Variants in SLC2A9 observed in about 807,000 individuals in gnomAD.
SLC2A9 encodes solute carrier family 2 member 9.
SLC2A9 carries 39 observed loss-of-function variants against 50.6 expected under a neutral mutation model. That is an observed-to-expected ratio of 0.77 (90% CI 0.60 to 1.01). The LOEUF (loss-of-function observed/expected upper bound fraction) is 1.01, where lower values mean the gene tolerates loss of function less well. Ranked by LOEUF, SLC2A9 falls within the 50% of genes least tolerant of loss-of-function variation. The pLI is 0.00. For missense variants in SLC2A9, 686 were observed against 677.6 expected, an observed-to-expected ratio of 1.01 and a Z score of -0.14; for synonymous variants, 324 against 276.9, an observed-to-expected ratio of 1.17 and a Z score of -1.69.
In SLC2A9 at chr4:9,873,477, T is replaced by G. The variant is rs866618218; in HGVS notation, c.1291+14090A>C. Among the ~76,000 whole-genome samples, 5 of 152,346 alleles carry G rather than the reference T, an allele frequency of 3.3e-5. No homozygotes were observed. In the South Asian group the frequency reaches 8.3e-4, roughly 25 times the overall value. On this transcript the variant is annotated intron_variant, in intron 10 of 11. Transcript: ENST00000264784. Reference sequence around the variant, plus strand: ...GGGCTTTGTGACTTGCTTTGGCTGATAGAATGCAGCAGAAATAGTGTGGAG... The same window carrying G: ...GGGCTTTGTGACTTGCTTTGGCTGAGAGAATGCAGCAGAAATAGTGTGGAG...
intron 10 of SLC2A9, among the ~76,000 whole-genome samples, chr4:9,881,110 G>A (rs1224535857): frequency 6.6e-6 from 1 of 152,214 alleles, no homozygotes; most frequent in African/African-American, 2.4e-5. Context: ...GATGAGGCCT[G>A]AATATCAATG....
At chr4:9,916,762 C>G (rs1184616905) in intron 7 of SLC2A9, among the ~76,000 whole-genome samples, 1 of 152,312 alleles carries the variant, frequency 6.6e-6, no homozygotes, top group South Asian at 2.1e-4. Flanking sequence ...CCTGGGCATT[C>G]TGGAAGATAA....
In SLC2A9 at chr4:9,908,188, G is replaced by A. The variant is rs766506983; in HGVS notation, c.1113+47C>T. ...ACCTTATGAACATTCCCACTGTGCT[G>A]TGTAACCCCCTGTGGCATTCTCAGG... On this transcript the variant is annotated intron_variant, in intron 8 of 11. Transcript: ENST00000264784. 4.7e-6 allele frequency: 6 copies of A among 1,278,644 alleles called. No homozygotes were observed. The South Asian group carries it at 7.1e-5, about 15-fold the overall frequency. The allele number at this position is 1,278,644 out of a possible 1,614,324, so 79.2% of individuals were successfully genotyped here.
At chr4:9,850,732 G>A (rs956477710) in intron 10 of SLC2A9, among the ~76,000 whole-genome samples, 10 of 151,952 alleles carry the variant, frequency 6.6e-5, no homozygotes, top group Non-Finnish European at 8.8e-5. Flanking sequence ...ATCCCACATC[G>A]CTTTGCTGGT....
intron 1 of SLC2A9, among the ~76,000 whole-genome samples, chr4:10,039,917 C>T (rs956902387): frequency 2.6e-5 from 4 of 152,244 alleles, no homozygotes; most frequent in South Asian, 2.1e-4. Context: ...CTGCAATGAG[C>T]GCCAGTTCCA....
At chr4:9,976,045 A>G (rs546878710) in intron 5 of SLC2A9, among the ~76,000 whole-genome samples, 25 of 152,308 alleles carry the variant, frequency 1.6e-4, no homozygotes, top group Non-Finnish European at 1.2e-4. Context: ...GAATTAAACA[A>G]TGGGTTCTCA....
At chr4:9,934,599 T>C (rs1249928877) in intron 6 of SLC2A9, among the ~76,000 whole-genome samples, 5 of 152,218 alleles carry the variant, frequency 3.3e-5, no homozygotes, top group Admixed American at 3.3e-4. Context: ...TCTGGAGAGA[T>C]GCATGATGGC....
At chr4:9,989,871 C>T (rs1025219739) in intron 3 of SLC2A9, among the ~76,000 whole-genome samples, 1 of 151,968 alleles carries the variant, frequency 6.6e-6, no homozygotes, top group Non-Finnish European at 1.5e-5. Flanking sequence ...GCACCTGCTG[C>T]CTCCTCTGCT....
Position 9,804,335 on chromosome 4 carries a change from C to T in SLC2A9, n.421-5094G>A, listed in dbSNP as rs371007595. On this transcript the variant is annotated intron_variant and non_coding_transcript_variant, in intron 3 of 3. Transcript: ENST00000503280. ...AGGTCAACACACATGTAGAGTTCAC[C>T]GGGGCTTGGTTTACTGTTCACAACT... is the stretch of plus-strand genomic sequence containing the variant. Among the ~76,000 whole-genome samples, 12 of 152,234 alleles carry T rather than the reference C, an allele frequency of 7.9e-5. No individual in the cohort carries two copies. In the South Asian group the frequency reaches 1.9e-3, roughly 24 times the overall value.
intron 3 of SLC2A9, among the ~76,000 whole-genome samples, chr4:9,802,300 G>A (rs1721531067): frequency 6.6e-6 from 1 of 150,444 alleles, no homozygotes; most frequent in East Asian, 1.9e-4. Context: ...AGCTCATAAT[G>A]AGAAGTAATG....
At chr4:10,022,380 G>A (rs763399235), upstream of SLC2A9, among the ~76,000 whole-genome samples, 1 of 152,246 alleles carries the variant, frequency 6.6e-6, no homozygotes, top group Non-Finnish European at 1.5e-5. Flanking sequence ...CCTCTTAGTC[G>A]TTACTCTGTC....
chr4:9,809,882 T>C (rs1044071462), intron 3 of SLC2A9, among the ~76,000 whole-genome samples: 1 of 151,506 alleles, frequency 6.6e-6, no homozygotes, highest in Non-Finnish European at 1.5e-5. Context: ...TCATGTGATA[T>C]ATTAAGTCAG....
At chr4:9,934,088 A>G (rs1281629997) in intron 6 of SLC2A9, among the ~76,000 whole-genome samples, 1 of 152,164 alleles carries the variant, frequency 6.6e-6, no homozygotes, top group Non-Finnish European at 1.5e-5. Flanking sequence ...GTAACCTAAC[A>G]TATTCACAGG....
intron 5 of SLC2A9, among the ~76,000 whole-genome samples, chr4:9,971,065 A>T (rs1372668635): frequency 6.6e-6 from 1 of 152,138 alleles, no homozygotes; most frequent in African/African-American, 2.4e-5. Context: ...CCTAAAAAGG[A>T]CAGAAATTGT....
chr4:10,026,980 G>A (rs1763775155), intron 1 of SLC2A9, among the ~76,000 whole-genome samples: 1 of 151,964 alleles, frequency 6.6e-6, no homozygotes, highest in Non-Finnish European at 1.5e-5. Context: ...GGAGGCAGAG[G>A]TTGCAGTGGG....
intron 10 of SLC2A9, among the ~76,000 whole-genome samples, chr4:9,864,256 C>T: frequency 6.6e-6 from 1 of 150,656 alleles, no homozygotes; most frequent in South Asian, 2.1e-4. Flanking sequence ...CAGTGTGATG[C>T]CCTCTCAGAA....
intron 2 of SLC2A9, among the ~76,000 whole-genome samples, chr4:10,010,604 G>A (rs1210760226): frequency 1.3e-5 from 2 of 152,116 alleles, no homozygotes; most frequent in Non-Finnish European, 2.9e-5. Context: ...TTTGATAGAC[G>A]CCAGGGAAAC....
intron 3 of SLC2A9, among the ~76,000 whole-genome samples, chr4:9,806,862 A>C (rs1722186254): frequency 6.6e-6 from 1 of 152,182 alleles, no homozygotes; most frequent in Non-Finnish European, 1.5e-5. Flanking sequence ...TTGAACTCAA[A>C]ATAGCTTCTC....
intron 10 of SLC2A9, among the ~76,000 whole-genome samples, chr4:9,849,688 A>T (rs1729546423): frequency 6.6e-6 from 1 of 152,220 alleles, no homozygotes; most frequent in Non-Finnish European, 1.5e-5. Flanking sequence ...GGAAGCTGCT[A>T]CAGCATAATG....
Sources: allele counts gnomAD v4.1 joint callset (sites outside exome capture counted in the v4.1 genomes callset), GRCh38; gene constraint gnomAD v4.1.1; transcripts MANE v1.5; gene names NCBI Gene and HGNC (gene_info 2026-07-23, HGNC 2026-07-21).